Variants in SLC12A2 observed in about 807,000 individuals in gnomAD.
SLC12A2 encodes Na-K-2Cl cotransporter 1.
A neutral mutation model predicts 136.3 loss-of-function variants in SLC12A2; 67 were observed. The ratio of observed to expected loss-of-function variants is 0.49; its 90% CI spans 0.40 to 0.60. The LOEUF (loss-of-function observed/expected upper bound fraction) is 0.60, where lower values mean the gene tolerates loss of function less well. SLC12A2 is among the 20% of genes least tolerant of loss of function. The pLI is 0.00. For missense variants in SLC12A2, 1,322 were observed against 1,534.7 expected (o/e 0.86, Z 2.32); for synonymous variants, 619 against 562.9 (o/e 1.10, Z -1.41).
chr5:128,100,747 C>T (rs915401957), intron 1 of SLC12A2, among the ~76,000 whole-genome samples: 4 of 152,090 alleles, frequency 2.6e-5, no homozygotes, highest in East Asian at 3.8e-4. Flanking sequence ...ACTTTTGGTT[C>T]ATCTTTAAAA....
At chr5:128,121,386 G>A (rs368005078) in intron 4 of SLC12A2, among the ~76,000 whole-genome samples, 6 of 151,854 alleles carry the variant, frequency 4.0e-5, no homozygotes, top group East Asian at 3.9e-4. Context: ...AAAGTGGCAC[G>A]ATCTCGGCTC....
At chr5:128,133,067 T>G (rs768474607) in intron 5 of SLC12A2, among the ~76,000 whole-genome samples, 4 of 151,686 alleles carry the variant, frequency 2.6e-5, no homozygotes, top group Non-Finnish European at 5.9e-5. Context: ...ACTAGTACCG[T>G]TTTTTTTCAA....
chr5:128,183,731 T>C (rs77798195), intron 24 of SLC12A2, among the ~76,000 whole-genome samples: 1 of 152,042 alleles, frequency 6.6e-6, no homozygotes, highest in Non-Finnish European at 1.5e-5. Context: ...CTTTTATTCA[T>C]TGATAACTGG....
chr5:128,105,856 C>G (rs1760912865), intron 1 of SLC12A2, among the ~76,000 whole-genome samples: 1 of 152,122 alleles, frequency 6.6e-6, no homozygotes, highest in Non-Finnish European at 1.5e-5. Flanking sequence ...TGCATAGCTT[C>G]TTTACCTACT....
intron 14 of SLC12A2, 74 bp downstream of exon 14, chr5:128,151,470 T>C: frequency 7.5e-7 from 1 of 1,327,414 alleles, no homozygotes; most frequent in Non-Finnish European, 1.0e-6. Flanking sequence ...AAGTTCTTTG[T>C]TATTTTTCAT....
chr5:128,138,657 T>G lies in SLC12A2; in HGVS notation c.1469T>G (p.Val490Gly). 1 of 1,613,822 alleles carries G rather than the reference T, an allele frequency of 6.2e-7. No individual in the cohort carries two copies. Among genetic ancestry groups the G allele is most frequent in the Non-Finnish European group, 8.5e-7 (1 of 1,179,844 alleles). The part of the protein sequence containing the change: ...DFREEETFFS[V>G]FAIFFPAATG... Reference sequence around the variant, plus strand: ...CGAGAGGAAGAGACTTTCTTTTCTGTATTTGCCATCTTTTTTCCTGCTGCA... The same window carrying G: ...CGAGAGGAAGAGACTTTCTTTTCTGGATTTGCCATCTTTTTTCCTGCTGCA... Residue 490 changes from valine (V) to glycine (G), a missense_variant, in exon 8 of 27, where the codon GTA becomes GGA. Physicochemically the swap from Val to Gly is moderately radical, Grantham distance 109 (BLOSUM62 -3). Around this residue, in one of 8 missense-constraint regions of SLC12A2, gnomAD observed 294 missense variants for 436.6 expected, o/e 0.67. Coordinates refer to ENST00000262461, the MANE Select transcript of SLC12A2 (RefSeq NM_001046.3).
intron 4 of SLC12A2, among the ~76,000 whole-genome samples, chr5:128,119,564 C>G (rs543148959): frequency 1.3e-5 from 2 of 152,244 alleles, no homozygotes; most frequent in South Asian, 4.2e-4. Flanking sequence ...GGGCTCTGTT[C>G]TGTTCCATTG....
chr5:128,155,816 G>C (rs1762854072), intron 15 of SLC12A2, among the ~76,000 whole-genome samples: 1 of 152,104 alleles, frequency 6.6e-6, no homozygotes, highest in African/African-American at 2.4e-5. Flanking sequence ...TTATCTTAAA[G>C]GCTTTCTTTT....
At chr5:128,147,988 T>C (rs1264387282) in intron 11 of SLC12A2, among the ~76,000 whole-genome samples, 1 of 151,732 alleles carries the variant, frequency 6.6e-6, no homozygotes, top group East Asian at 1.9e-4. Flanking sequence ...TTTTGCTTTT[T>C]TGACATTTTT....
intron 10 of SLC12A2, among the ~76,000 whole-genome samples, chr5:128,143,165 A>G (rs942109376): frequency 6.6e-6 from 1 of 152,014 alleles, no homozygotes. Flanking sequence ...TCCTGTATGT[A>G]TTTTGTTAGA....
chr5:128,092,029 G>A (rs757267491), intron 1 of SLC12A2, among the ~76,000 whole-genome samples: 4 of 152,144 alleles, frequency 2.6e-5, no homozygotes, highest in Non-Finnish European at 4.4e-5. Flanking sequence ...GCAAGGGAGC[G>A]TAGGTGGTTT....
Position 128,184,463 on chromosome 5 carries a change from C to A in SLC12A2, c.3397C>A (p.Arg1133=). ...ADKMKEDEPW[R]ITDNELELYK... is the part of the protein sequence containing the mutation. ...TAAAATGAAAGAAGATGAACCATGG[C>A]GAATAACAGATAATGAGCTTGAACT... The change falls in exon 25 of 27, where the codon CGA becomes AGA. Residue 1133 remains arginine (R), a synonymous_variant. Transcript: ENST00000262461. The A allele has an allele frequency of 6.2e-7, 1 of 1,607,030 alleles. No individual in the cohort carries two copies. The highest frequency in any genetic ancestry group is 8.5e-7 in the Non-Finnish European group (1 of 1,176,732).
intron 1 of SLC12A2, among the ~76,000 whole-genome samples, chr5:128,112,210 G>T (rs1761174221): frequency 6.6e-6 from 1 of 152,164 alleles, no homozygotes; most frequent in African/African-American, 2.4e-5. Context: ...AACACTGGTT[G>T]TCAAATTCAT....
chr5:128,137,274 C>T (rs1762217722), intron 7 of SLC12A2, among the ~76,000 whole-genome samples: 1 of 152,134 alleles, frequency 6.6e-6, no homozygotes, highest in Non-Finnish European at 1.5e-5. Context: ...ATTTTATCTT[C>T]TTTTATTTCC....
chr5:128,084,538 A>C lies in SLC12A2; in HGVS notation c.584A>C (p.His195Pro), dbSNP rs750226853. The C allele has an allele frequency of 1.2e-6, 2 of 1,613,628 alleles. No homozygotes were observed. Among genetic ancestry groups the C allele is most frequent in the Non-Finnish European group, 1.7e-6 (2 of 1,179,968 alleles). ...LHSGGGGGSG[H>P]HQHYYYDTHT... is the part of the protein sequence containing the mutation. ...TCCGGCGGCGGCGGCGGCAGTGGGC[A>C]CCACCAGCACTACTATTATGATACC... Residue 195 changes from histidine to proline, a missense_variant, in exon 1 of 27, where the codon CAC (histidine) becomes CCC (proline). By Grantham distance (77) the His-to-Pro change is moderately conservative. Around this residue, in one of 8 missense-constraint regions of SLC12A2, gnomAD observed 358 missense variants for 299.7 expected, o/e 1.19. Coordinates refer to ENST00000262461, the MANE Select transcript of SLC12A2 (RefSeq NM_001046.3). The surrounding 1 kb of genome is among the most constrained non-coding windows in gnomAD (Gnocchi z 5.6).
chr5:128,101,918 A>G (rs1760753868), intron 1 of SLC12A2, among the ~76,000 whole-genome samples: 1 of 152,188 alleles, frequency 6.6e-6, no homozygotes, highest in Admixed American at 6.5e-5. Flanking sequence ...GTGATTTCAT[A>G]TTTGTATGCA....
chr5:128,181,176 A>G (rs748585856), intron 23 of SLC12A2, among the ~76,000 whole-genome samples, 182 bp downstream of exon 23: 2 of 152,190 alleles, frequency 1.3e-5, no homozygotes, highest in African/African-American at 2.4e-5. Flanking sequence ...ACTAGTAAAT[A>G]CTTAATTTTA....
intron 5 of SLC12A2, among the ~76,000 whole-genome samples, chr5:128,132,634 TGTTAG>T (rs1203140532): frequency 2.0e-5 from 3 of 152,046 alleles, no homozygotes; most frequent in Non-Finnish European, 4.4e-5. Flanking sequence ...TAATTGCTCA[TGTTAG>T]GTTAGGTTGT....
chr5:128,138,632 C>G lies in SLC12A2; in HGVS notation c.1444C>G (p.Arg482Gly), dbSNP rs747216802. Reference protein sequence around the residue: ...IFNENFGPDFREEETFFSVFA... With the variant: ...IFNENFGPDFGEEETFFSVFA... ...TAATGAGAACTTTGGGCCCGATTTTCGAGAGGAAGAGACTTTCTTTTCTGT... is the reference window on the plus strand; with the variant it reads ...TAATGAGAACTTTGGGCCCGATTTTGGAGAGGAAGAGACTTTCTTTTCTGT... The change falls in exon 8 of 27, where the codon CGA becomes GGA. Residue 482 changes from arginine to glycine, a missense_variant. Transcript: ENST00000262461. 6.2e-7 allele frequency: 1 copy of G among 1,612,064 alleles called. No individual in the cohort carries two copies. The highest frequency in any genetic ancestry group is 8.5e-7 in the Non-Finnish European group (1 of 1,179,498).
Sources: allele counts gnomAD v4.1 joint callset (sites outside exome capture counted in the v4.1 genomes callset), GRCh38; gene constraint gnomAD v4.1.1; regional missense constraint gnomAD v4.1.1; non-coding constraint Gnocchi (gnomAD v3.1); transcripts MANE v1.5; gene names NCBI Gene and HGNC (gene_info 2026-07-23, HGNC 2026-07-21).